SCO1: variants seen among roughly 807,000 people sequenced by gnomAD.
SCO1 encodes cytochrome c oxidase assembly factor SCO1.
In SCO1, 23 loss-of-function variants were observed where a neutral mutation model predicts 34.0. That is an observed-to-expected ratio of 0.68 (90% confidence interval 0.49 to 0.96). The LOEUF is 0.96. Ranked by LOEUF, SCO1 falls within the 40% of genes least tolerant of loss-of-function variation. The pLI is 0.00. For synonymous variants in SCO1, 161 were observed against 145.5 expected (o/e 1.11, Z -0.77); for missense variants, 404 against 381.6 (o/e 1.06, Z -0.49).
At position 10,688,569 on chromosome 17, in the gene SCO1, GA is replaced by G. The variant is rs150896842; in HGVS notation, c.656-1728del. On this transcript the variant is annotated intron_variant, in intron 4 of 5. Coordinates refer to ENST00000255390, the MANE Select transcript of SCO1 (RefSeq NM_004589.4). ...AGGAATGCAGAAATATACCATTTTG[GA>G]AAACAGGTTCTCAGTGTCTTAGAAA... Among the ~76,000 whole-genome samples the G allele has an allele frequency of 1.2e-3, 178 of 152,284 alleles. 1 individual carries two copies. Among genetic ancestry groups the G allele is most frequent in the African/African-American group, 3.8e-3 (158 of 41,564 alleles).
Position 10,692,911 on chromosome 17 carries a change from G to A in SCO1, c.415C>T (p.Pro139Ser). The part of the protein sequence containing the change: ...RHIGKPLLGG[P>S]FSLTTHTGER... ...CCAGTATGAGTTGTGAGGGAAAACGGTCCCCCAAGTAAAGGCTTGCCGATG... is the reference window on the plus strand; with the variant it reads ...CCAGTATGAGTTGTGAGGGAAAACGATCCCCCAAGTAAAGGCTTGCCGATG... The change falls in exon 3 of 6, where the codon CCG becomes TCG. Residue 139 changes from proline (P) to serine (S), a missense_variant. Physicochemically the swap from Pro to Ser is moderately conservative, Grantham distance 74. Coordinates refer to ENST00000255390, the MANE Select transcript of SCO1 (RefSeq NM_004589.4). 2 of 1,614,048 alleles carry A rather than the reference G, an allele frequency of 1.2e-6. No individual in the cohort carries two copies. Among genetic ancestry groups the A allele is most frequent in the Non-Finnish European group, 1.7e-6 (2 of 1,180,004 alleles).
intron 5 of SCO1, among the ~76,000 whole-genome samples, chr17:10,686,145 GGGA>G (rs1214365607): frequency 3.3e-5 from 5 of 152,178 alleles, no homozygotes; most frequent in African/African-American, 9.7e-5. Context: ...GAGAGGCTGA[GGGA>G]GGAGAATTGC....
intron 5 of SCO1, among the ~76,000 whole-genome samples, chr17:10,685,897 G>A (rs930551685): frequency 1.1e-4 from 16 of 152,192 alleles, no homozygotes; most frequent in Non-Finnish European, 1.8e-4. Context: ...ATTGAATTAT[G>A]AGAACAGTGA....
At position 10,696,146 on chromosome 17, in the gene SCO1, A is replaced by T. The variant is rs1424440951; in HGVS notation, c.274-315T>A. Reference sequence around the variant, plus strand: ...ATGTGTGACCCTAGCTCCAGTAATGACTTTAAAACCAATTATGGCCGGGCG... The same window carrying T: ...ATGTGTGACCCTAGCTCCAGTAATGTCTTTAAAACCAATTATGGCCGGGCG... On this transcript the variant is annotated intron_variant, in intron 1 of 5. Transcript: ENST00000255390. 3.3e-5 allele frequency among the ~76,000 whole-genome samples: 5 copies of T among 150,786 alleles called. No individual in the cohort carries two copies. In the East Asian group the frequency reaches 9.8e-4, roughly 29 times the overall value.
chr17:10,697,427 G>C lies in SCO1; in HGVS notation c.81C>G (p.Leu27=), dbSNP rs150549851. The C allele has an allele frequency of 6.2e-7, 1 of 1,611,400 alleles. No individual in the cohort carries two copies. The highest frequency in any genetic ancestry group is 8.5e-7 in the Non-Finnish European group (1 of 1,179,208). Residue 27 remains leucine (L), a synonymous_variant, in exon 1 of 6, where the codon CTC becomes CTG. Coordinates refer to ENST00000255390, the MANE Select transcript of SCO1 (RefSeq NM_004589.4). ...TCCCCTCGGCTGGGCCCCAAAACTC[G>C]AGTCCGCGAGGCAAGAAGCGCCAAA... is the stretch of plus-strand genomic sequence containing the variant. ...GQLWRFLPRG[L]EFWGPAEGTA... is the part of the protein sequence containing the mutation.
chr17:10,695,835 C>T lies in SCO1; in HGVS notation c.274-4G>A. On this transcript the variant is annotated splice_region_variant and splice_polypyrimidine_tract_variant and intron_variant, in intron 1 of 5. Coordinates refer to ENST00000255390, the MANE Select transcript of SCO1 (RefSeq NM_004589.4). Reference sequence around the variant, plus strand: ...CTAAAGACTTCCAGGAAACAGGCTACTGGGGCAGGGATTTCAAACATAAAA... The same window carrying T: ...CTAAAGACTTCCAGGAAACAGGCTATTGGGGCAGGGATTTCAAACATAAAA... The T allele has an allele frequency of 1.9e-6, 3 of 1,609,278 alleles. No individual in the cohort carries two copies. The highest frequency in any genetic ancestry group is 2.2e-5 in the East Asian group (1 of 44,832).
intron 4 of SCO1, among the ~76,000 whole-genome samples, chr17:10,688,501 T>C (rs1343348160): frequency 1.1e-4 from 16 of 151,460 alleles, no homozygotes; most frequent in Non-Finnish European, 2.4e-4. Flanking sequence ...ACACCAAGAG[T>C]GGTGATGCTG....
rs2074563224 is a variant in SCO1, at chr17:10,673,803, G to A, written c.*7316C>T. 6.6e-6 allele frequency: 1 copy of A among 152,196 alleles called. No individual in the cohort carries two copies. The highest frequency in any genetic ancestry group is 6.5e-5 in the Admixed American group (1 of 15,282). 9.4% of individuals were successfully genotyped at this position (152,196 alleles called of 1,614,324 possible). On this transcript the variant is annotated 3_prime_UTR_variant, in exon 6 of 6. Transcript: ENST00000255390. ...CTTTTTGATCATATTATAACAACTC[G>A]ATGGAGAAACGCTTGGTATACTGTG...
chr17:10,686,290 T>C (rs2074655771), intron 5 of SCO1, among the ~76,000 whole-genome samples: 1 of 151,384 alleles, frequency 6.6e-6, no homozygotes, highest in African/African-American at 2.4e-5. Context: ...CTTTCAAATA[T>C]TCAAAATTCC....
rs1026228920 is a variant in SCO1 at position 10,679,455 on chromosome 17, ATTTAGG to A, written c.*1658_*1663del. The A allele has an allele frequency of 5.9e-5, 9 of 152,224 alleles. No individual in the cohort carries two copies. Among genetic ancestry groups the A allele is most frequent in the Non-Finnish European group, 1.3e-4 (9 of 68,032 alleles). The allele number at this position is 152,224 out of a possible 1,614,324, so 9.4% of individuals were successfully genotyped here. A position where few individuals can be genotyped will look rare whatever the true frequency, so the allele number is the denominator to read the frequency against. ...TTTTCACATACTTTTACTTTGATAT[ATTTAGG>A]TTTAAGTATTGAGAATTTAAAAACC... On this transcript the variant is annotated 3_prime_UTR_variant, in exon 6 of 6. Transcript: ENST00000255390.
At position 10,680,964 on chromosome 17, in the gene SCO1, A is replaced by T; in HGVS notation, c.*155T>A. On this transcript the variant is annotated 3_prime_UTR_variant, in exon 6 of 6. Transcript: ENST00000255390. ...CAAGAATCAATTTTGGTTGAACGCA[A>T]GGGTAACATCCCCATCCAAAACAGA... 1 of 913,786 alleles carries T rather than the reference A, an allele frequency of 1.1e-6. No individual in the cohort carries two copies. Among genetic ancestry groups the T allele is most frequent in the Non-Finnish European group, 1.7e-6 (1 of 571,710 alleles). 56.6% of individuals were successfully genotyped at this position (913,786 alleles called of 1,614,324 possible).
intron 2 of SCO1, 62 bp from the exon 3 acceptor site, chr17:10,693,023 A>T (rs899880814): frequency 2.9e-6 from 4 of 1,377,630 alleles, no homozygotes; most frequent in Non-Finnish European, 4.1e-6. Context: ...AGGTACTCAA[A>T]TACCTGACAT....
rs756402297 is a variant in SCO1 at position 10,697,213 on chromosome 17, A to G, written c.273+22T>C. 3.4e-5 allele frequency: 51 copies of G among 1,510,932 alleles called. No homozygotes were observed. The African/African-American group carries it at 6.2e-4, about 18-fold the overall frequency. 93.6% of individuals were successfully genotyped at this position (1,510,932 alleles called of 1,614,324 possible). On this transcript the variant is annotated intron_variant, in intron 1 of 5. Transcript: ENST00000255390. ...GCCGACAGCCGCGACGAGCACCAGA[A>G]GGGTTCCAGGTGTGCACTCACCCCG...
At chr17:10,691,004 GAGA>G (rs1230551979) in intron 4 of SCO1, among the ~76,000 whole-genome samples, 1 of 152,196 alleles carries the variant, frequency 6.6e-6, no homozygotes, top group Non-Finnish European at 1.5e-5. Context: ...CAGAAGTAGA[GAGA>G]AGAATTGTGG....
chr17:10,683,239 C>T (rs975151142), intron 5 of SCO1, among the ~76,000 whole-genome samples: 1 of 151,988 alleles, frequency 6.6e-6, no homozygotes, highest in Admixed American at 6.6e-5. Flanking sequence ...TTTTTTTATA[C>T]ACAAGTAACA....
At chr17:10,695,673 C>CA in intron 2 of SCO1, 68 bp downstream of exon 2, 1 of 1,188,302 alleles carries the variant, frequency 8.4e-7, no homozygotes, top group Non-Finnish European at 1.2e-6. Context: ...TAAAAAACAA[C>CA]AAAAAAGGTG....
At chr17:10,682,361 C>T (rs1341758886) in intron 5 of SCO1, among the ~76,000 whole-genome samples, 6 of 152,170 alleles carry the variant, frequency 3.9e-5, no homozygotes, top group African/African-American at 1.4e-4. Context: ...AAAGAATGTA[C>T]ACCAAAAGAG....
chr17:10,697,406 C>A lies in SCO1; in HGVS notation c.102G>T (p.Glu34Asp). The change falls in exon 1 of 6, where the codon GAG becomes GAT. Residue 34 changes from glutamate to aspartate, a missense_variant. Glu to Asp is a conservative substitution (Grantham distance 45). Transcript: ENST00000255390. ...PRGLEFWGPA[E>D]GTARVLLRQF... is the part of the protein sequence containing the mutation. ...GCCTCAGCAAGACTCTCGCAGTCCC[C>A]TCGGCTGGGCCCCAAAACTCGAGTC... is the stretch of plus-strand genomic sequence containing the variant. 6.2e-7 allele frequency: 1 copy of A among 1,608,068 alleles called. No individual in the cohort carries two copies. The highest frequency in any genetic ancestry group is 2.2e-5 in the East Asian group (1 of 44,718).
chr17:10,674,738 G>T lies in SCO1; in HGVS notation c.*6381C>A, dbSNP rs1445840780. On this transcript the variant is annotated 3_prime_UTR_variant, in exon 6 of 6. Transcript: ENST00000255390. ...CCTTGGTGGCCAAGGCCCTTGGTAT[G>T]ACCTCTTGAGACCAGGAGGCTCTCA... 1 of 152,384 alleles carries T rather than the reference G, an allele frequency of 6.6e-6. No homozygotes were observed. The highest frequency in any genetic ancestry group is 2.4e-5 in the African/African-American group (1 of 41,434). 9.4% of individuals were successfully genotyped at this position (152,384 alleles called of 1,614,324 possible). A position where few individuals can be genotyped will look rare whatever the true frequency, so the allele number is the denominator to read the frequency against.
Sources: allele counts gnomAD v4.1 joint callset (sites outside exome capture counted in the v4.1 genomes callset), GRCh38; gene constraint gnomAD v4.1.1; transcripts MANE v1.5; gene names NCBI Gene and HGNC (gene_info 2026-07-23, HGNC 2026-07-21).